Variants in LRRTM3 observed in about 807,000 individuals in gnomAD.
LRRTM3 encodes leucine rich repeat transmembrane neuronal 3.
In LRRTM3, 24 loss-of-function variants were observed where a neutral mutation model predicts 44.7. The observed-to-expected ratio is 0.54, with a 90% CI of 0.39 to 0.76. The LOEUF is 0.76. LRRTM3 is among the 30% of genes least tolerant of loss of function. The pLI is 0.00. For synonymous variants in LRRTM3, 277 were observed against 278.7 expected (o/e 0.99, Z 0.06); for missense variants, 587 against 702.2 (o/e 0.84, Z 1.85).
chr10:67,011,102 G>C (rs1406655128), intron 2 of LRRTM3, among the ~76,000 whole-genome samples: 2 of 152,156 alleles, frequency 1.3e-5, no homozygotes, highest in Non-Finnish European at 2.9e-5. Context: ...GGCCAAGGCA[G>C]ACGGATCACG....
chr10:67,019,289 G>T (rs116118533), intron 2 of LRRTM3, among the ~76,000 whole-genome samples: 3,482 of 152,200 alleles, frequency 0.023, 160 homozygotes, highest in African/African-American at 0.08. Context: ...CGTTATCTTG[G>T]CTCACCACAA....
chr10:66,971,496 A>G (rs552058638), intron 2 of LRRTM3, among the ~76,000 whole-genome samples: 16 of 152,214 alleles, frequency 1.1e-4, no homozygotes, highest in African/African-American at 2.6e-4. Context: ...TTAAATCCCA[A>G]TTGTACTCTT....
chr10:66,982,158 C>A (rs1376736785), intron 2 of LRRTM3, among the ~76,000 whole-genome samples: 2 of 152,154 alleles, frequency 1.3e-5, no homozygotes, highest in Admixed American at 1.3e-4. Flanking sequence ...TGCATTCTGG[C>A]AGTTTGAACA....
intron 2 of LRRTM3, among the ~76,000 whole-genome samples, chr10:67,019,709 C>T (rs1391953720): frequency 2.0e-5 from 3 of 152,132 alleles, no homozygotes; most frequent in African/African-American, 7.2e-5. Flanking sequence ...TCATCCCTTC[C>T]ATATAAATAG....
At chr10:67,095,881 T>C (rs1202810875) in intron 2 of LRRTM3, among the ~76,000 whole-genome samples, 1 of 151,888 alleles carries the variant, frequency 6.6e-6, no homozygotes, top group Non-Finnish European at 1.5e-5. Flanking sequence ...TAAAAATGTA[T>C]TTTAGTTATC....
chr10:66,971,799 G>C (rs986756336), intron 2 of LRRTM3, among the ~76,000 whole-genome samples: 3 of 151,968 alleles, frequency 2.0e-5, no homozygotes, highest in African/African-American at 7.3e-5. Flanking sequence ...AAGAGACCCT[G>C]TCATCTCTAC....
intron 2 of LRRTM3, among the ~76,000 whole-genome samples, chr10:67,079,114 A>G (rs1407881939): frequency 6.6e-6 from 1 of 152,194 alleles, no homozygotes; most frequent in East Asian, 1.9e-4. Flanking sequence ...ATCCATATTT[A>G]TAAGTTTCAG....
chr10:67,034,616 A>G (rs1419987539), intron 2 of LRRTM3, among the ~76,000 whole-genome samples: 1 of 152,174 alleles, frequency 6.6e-6, no homozygotes, highest in Non-Finnish European at 1.5e-5. Context: ...CTAATAACCT[A>G]CAAATAAATT....
chr10:66,996,432 G>A (rs1851345368), intron 2 of LRRTM3, among the ~76,000 whole-genome samples: 1 of 151,950 alleles, frequency 6.6e-6, no homozygotes, highest in Admixed American at 6.6e-5. Flanking sequence ...GATTGCCTGG[G>A]CTCAGGAGTT....
chr10:66,980,906 TTTTA>T (rs891299118), intron 2 of LRRTM3, among the ~76,000 whole-genome samples: 2 of 152,062 alleles, frequency 1.3e-5, no homozygotes, highest in African/African-American at 2.4e-5. Context: ...TTTCTTTCTT[TTTTA>T]TTTATTTATT....
rs1848866775 is a variant in LRRTM3 at position 66,957,417 on chromosome 10, TATATATATATGC to T, written c.1536+28976_1536+28987del. Among the ~76,000 whole-genome samples, 26 of 31,860 alleles carry T rather than the reference TATATATATATGC, an allele frequency of 8.2e-4. 1 individual carries two copies. Among genetic ancestry groups the T allele is most frequent in the African/African-American group, 3.6e-3 (12 of 3,352 alleles). The allele number at this position is 31,860 out of a possible 152,430, so 20.9% of individuals were successfully genotyped here. On this transcript the variant is annotated intron_variant, in intron 2 of 2. Coordinates refer to ENST00000361320, the MANE Select transcript of LRRTM3 (RefSeq NM_178011.5). ...ACATATATATATATATATATATGCA[TATATATATATGC>T]ATATATATATATGCATATATATATA...
chr10:67,030,631 A>G (rs1214484432), intron 2 of LRRTM3, among the ~76,000 whole-genome samples: 1 of 152,150 alleles, frequency 6.6e-6, no homozygotes. Context: ...TATGTAGATC[A>G]ATATATTTGT....
At chr10:67,051,162 G>A (rs1386151037) in intron 2 of LRRTM3, among the ~76,000 whole-genome samples, 22 of 152,210 alleles carry the variant, frequency 1.4e-4, no homozygotes, top group Admixed American at 1.4e-3. Context: ...GCCCTGGCAG[G>A]AATGAGATCT....
At chr10:67,014,499 A>G (rs990864102) in intron 2 of LRRTM3, among the ~76,000 whole-genome samples, 1 of 152,136 alleles carries the variant, frequency 6.6e-6, no homozygotes, top group African/African-American at 2.4e-5. Flanking sequence ...TCTAGACAAA[A>G]TTAGTTTTTA....
chr10:67,089,877 T>A (rs1268575539), intron 2 of LRRTM3, among the ~76,000 whole-genome samples: 1 of 151,994 alleles, frequency 6.6e-6, no homozygotes, highest in African/African-American at 2.4e-5. Flanking sequence ...AGAAATTGTG[T>A]CTTCATCATG....
chr10:67,056,191 A>T (rs1014536398), intron 2 of LRRTM3, among the ~76,000 whole-genome samples: 4 of 152,156 alleles, frequency 2.6e-5, no homozygotes, highest in Admixed American at 2.6e-4. Context: ...GAGTTGATTA[A>T]CTGAGCTTTA....
At position 67,097,697 on chromosome 10, in the gene LRRTM3, A is replaced by G. The variant is rs1858093306; in HGVS notation, c.1647A>G (p.Ala549=). 2.5e-6 allele frequency: 4 copies of G among 1,612,654 alleles called. No individual in the cohort carries two copies. The highest frequency in any genetic ancestry group is 2.7e-5 in the African/African-American group (2 of 74,802). Reference sequence around the variant, plus strand: ...CCCATAAGTCCTTTGAAACGAATGCACAGGAAGATACGATGGAAACACACC... The same window carrying G: ...CCCATAAGTCCTTTGAAACGAATGCGCAGGAAGATACGATGGAAACACACC... ...LLSHKSFETN[A]QEDTMETHLE... The change falls in exon 3 of 3, where the codon GCA becomes GCG. Residue 549 remains alanine (A), a synonymous_variant. Coordinates refer to ENST00000361320, the MANE Select transcript of LRRTM3 (RefSeq NM_178011.5).
chr10:67,044,158 A>G (rs1290394397), intron 2 of LRRTM3, among the ~76,000 whole-genome samples: 1 of 152,002 alleles, frequency 6.6e-6, no homozygotes, highest in Non-Finnish European at 1.5e-5. Context: ...CATGTACCCC[A>G]TGGCTAGCTC....
At chr10:67,076,722 A>C (rs1589703652) in intron 2 of LRRTM3, among the ~76,000 whole-genome samples, 2 of 152,240 alleles carry the variant, frequency 1.3e-5, no homozygotes, top group South Asian at 4.1e-4. Context: ...GAATTTGTAC[A>C]TTTAGGTAAC....
Sources: gnomAD v4.1 joint callset for allele counts (sites outside exome capture counted in the v4.1 genomes callset) on GRCh38, gnomAD v4.1.1 for gene constraint, MANE v1.5 for transcripts, NCBI Gene and HGNC (gene_info 2026-07-23, HGNC 2026-07-21) for gene names.